The following H2BC18 variants were observed in gnomAD, a reference collection of about 807,000 sequenced individuals.
H2BC18 encodes histone H2B type 2-F.
H2BC18 carries 8 observed loss-of-function variants against 6.3 expected under a neutral mutation model. That is an observed-to-expected ratio of 1.28 (90% CI 0.75 to 2.31). H2BC18 has a LOEUF of 2.31. H2BC18 is among the 30% of genes most tolerant of loss of function. The probability of loss-of-function intolerance (pLI) is 0.00; values close to 1 mark genes in which losing one functional copy is unlikely to be tolerated. For synonymous variants in H2BC18, 104 were observed against 78.1 expected, an observed-to-expected ratio of 1.33 and a Z score of -1.75; for missense variants, 106 against 174.5, an observed-to-expected ratio of 0.61 and a Z score of 2.21.
chr1:149,793,377 G>A (rs1241547279), intron 1 of H2BC18, among the ~76,000 whole-genome samples: 1 of 151,952 alleles, frequency 6.6e-6, no homozygotes, highest in African/African-American at 2.4e-5. Context: ...GCAAGCCAGC[G>A]GGCAAGAAGG....
intron 1 of H2BC18, among the ~76,000 whole-genome samples, chr1:149,799,933 G>A (rs1450857856): frequency 2.0e-5 from 3 of 152,070 alleles, no homozygotes; most frequent in Non-Finnish European, 4.4e-5. Context: ...GACACCAGCT[G>A]AGTGTACTCC....
chr1:149,796,653 G>A (rs2788765), intron 1 of H2BC18, among the ~76,000 whole-genome samples: 2 of 152,200 alleles, frequency 1.3e-5, no homozygotes, highest in Non-Finnish European at 2.9e-5. Flanking sequence ...CTGCACTTAA[G>A]TAGCTCCTTG....
intron 1 of H2BC18, among the ~76,000 whole-genome samples, chr1:149,796,629 T>C (rs1341066386): frequency 2.6e-5 from 4 of 152,250 alleles, no homozygotes; most frequent in African/African-American, 9.6e-5. Context: ...TATGGCTGAA[T>C]TAAAATCTTG....
chr1:149,807,433 A>T (rs180963551), downstream of H2BC18, among the ~76,000 whole-genome samples: 590 of 148,630 alleles, frequency 4.0e-3, 3 homozygotes, highest in African/African-American at 0.014. Flanking sequence ...TCAAGGCTGC[A>T]ATGAACTGTA....
intron 1 of H2BC18, chr1:149,788,583 C>T (rs782054533): frequency 6.2e-7 from 1 of 1,613,972 alleles, no homozygotes; most frequent in South Asian, 1.1e-5. Context: ...GAAAGCATCG[C>T]TACACATCAG....
rs587699110 is a variant in H2BC18, at chr1:149,784,345, G to A, written c.378-1085C>T. ...TCTGGATGCCAGATGTGTGTGTGTC[G>A]ATTTATCTGGGTGCAGGTCTCAGCA... is the stretch of plus-strand genomic sequence containing the variant. On this transcript the variant is annotated intron_variant, in intron 1 of 1. Coordinates refer to the H2BC18 transcript ENST00000545683. 409 of 1,610,782 alleles carry A rather than the reference G, an allele frequency of 2.5e-4. 2 individuals are homozygous for A. In the East Asian group the frequency reaches 7.2e-3, roughly 28 times the overall value.
chr1:149,809,847 C>T (rs1310304957), downstream of H2BC18, among the ~76,000 whole-genome samples: 1 of 150,466 alleles, frequency 6.6e-6, no homozygotes, highest in Non-Finnish European at 1.5e-5. Flanking sequence ...TTCAAGTAGT[C>T]CAGAGGACTG....
intron 1 of H2BC18, among the ~76,000 whole-genome samples, chr1:149,806,141 G>A (rs2091914775): frequency 6.6e-6 from 1 of 151,790 alleles, no homozygotes; most frequent in South Asian, 2.1e-4. Flanking sequence ...CCAGATGCAA[G>A]AGAAGCTGGT....
rs1312039855 is a variant in H2BC18 at position 149,792,633 on chromosome 1, A to G, written c.378-9373T>C. On this transcript the variant is annotated intron_variant, in intron 1 of 1. Transcript: ENST00000545683. ...GGCGCCACACTGTGGCCGCATGTGC[A>G]TATTGCAGCCTCCGCCTGTATCTGG... is the stretch of plus-strand genomic sequence containing the variant. The G allele has an allele frequency of 5.3e-5, 67 of 1,264,700 alleles. 3 individuals are homozygous for G. Among genetic ancestry groups the G allele is most frequent in the Non-Finnish European group, 6.8e-5 (67 of 978,870 alleles). 78.3% of individuals were successfully genotyped at this position (1,264,700 alleles called of 1,614,324 possible).
At chr1:149,787,315 T>C (rs1284110875) in intron 1 of H2BC18, 1 of 152,234 alleles carries the variant, frequency 6.6e-6, no homozygotes, top group African/African-American at 2.4e-5. Flanking sequence ...CTTAGTCTCC[T>C]AAGAACCCCA....
rs782163224 is a variant in H2BC18 at position 149,788,343 on chromosome 1, C to A, written c.378-5083G>T. 1.9e-6 allele frequency: 3 copies of A among 1,612,066 alleles called. No individual in the cohort carries two copies. In the Admixed American group the frequency reaches 5.0e-5, roughly 27 times the overall value. ...TTGTACCTCCTCCACTGTATACATA[C>A]ATTTTGGGTTCATATTTTTCAGGCT... On this transcript the variant is annotated intron_variant, in intron 1 of 1. Transcript: ENST00000545683.
chr1:149,803,849 CT>C (rs1335554423), intron 1 of H2BC18: 2 of 152,344 alleles, frequency 1.3e-5, no homozygotes, highest in African/African-American at 4.8e-5. Flanking sequence ...ACTCTGTCAT[CT>C]TTCTTGTTTG....
At chr1:149,802,548 A>G (rs2101475767) in intron 1 of H2BC18, among the ~76,000 whole-genome samples, 1 of 152,304 alleles carries the variant, frequency 6.6e-6, no homozygotes, top group South Asian at 2.1e-4. Context: ...TAGATAGATG[A>G]TAATAGATTA....
intron 1 of H2BC18, chr1:149,787,576 T>C (rs139556275): frequency 6.6e-6 from 1 of 152,342 alleles, no homozygotes; most frequent in Non-Finnish European, 1.5e-5. Context: ...AGAGTTGGAG[T>C]GTATTTGTTT....
downstream of H2BC18, chr1:149,811,850 C>A (rs2091978574): frequency 8.7e-7 from 1 of 1,152,896 alleles, no homozygotes; most frequent in South Asian, 1.4e-5. Context: ...AACGCTCTGA[C>A]AAGTGTTTAC....
chr1:149,805,368 T>G (rs1481939970), intron 1 of H2BC18: 1 of 152,194 alleles, frequency 6.6e-6, no homozygotes, highest in Non-Finnish European at 1.5e-5. Flanking sequence ...CTATGACTCA[T>G]GTATAATCCC....
intron 1 of H2BC18, chr1:149,793,932 A>G: frequency 7.8e-7 from 1 of 1,284,842 alleles, no homozygotes; most frequent in Non-Finnish European, 1.0e-6. Context: ...TTCAGGATTT[A>G]GGAATATTTT....
At chr1:149,787,605 A>C (rs1394873935) in intron 1 of H2BC18, 12 of 152,324 alleles carry the variant, frequency 7.9e-5, no homozygotes, top group African/African-American at 2.9e-4. Flanking sequence ...TGTGTAACAA[A>C]TTTAGCAACA....
chr1:149,808,060 T>G (rs1553754076), downstream of H2BC18, among the ~76,000 whole-genome samples: 1 of 151,996 alleles, frequency 6.6e-6, no homozygotes, highest in African/African-American at 2.4e-5. Context: ...AAGCAATATT[T>G]TAAAGTAAAT....
Sources: allele counts gnomAD v4.1 joint callset (sites outside exome capture counted in the v4.1 genomes callset), GRCh38; gene constraint gnomAD v4.1.1; transcripts MANE v1.5; gene names NCBI Gene and HGNC (gene_info 2026-07-23, HGNC 2026-07-21).